RFTN2: variants seen among roughly 807,000 people sequenced by gnomAD.
RFTN2 encodes the protein raftlin-2.
Under a neutral mutation model 52.7 loss-of-function variants are expected in RFTN2, and 34 were observed. The observed-to-expected ratio is 0.64, with a 90% CI of 0.49 to 0.86. The LOEUF is 0.86. Ranked by LOEUF, RFTN2 falls within the 40% of genes least tolerant of loss-of-function variation. The probability of loss-of-function intolerance (pLI) is 0.00; values close to 1 mark genes in which losing one functional copy is unlikely to be tolerated. For missense variants in RFTN2, 536 were observed against 600.1 expected, an observed-to-expected ratio of 0.89 and a Z score of 1.12; for synonymous variants, 203 against 217.7, an observed-to-expected ratio of 0.93 and a Z score of 0.59.
intron 7 of RFTN2, among the ~76,000 whole-genome samples, chr2:197,605,937 T>C (rs980023909): frequency 3.3e-5 from 5 of 152,336 alleles, no homozygotes; most frequent in South Asian, 2.1e-4. Flanking sequence ...TCCTCCTTTA[T>C]TGATTCCTCT....
At chr2:197,649,184 A>C (rs2088792365) in intron 1 of RFTN2, among the ~76,000 whole-genome samples, 1 of 152,250 alleles carries the variant, frequency 6.6e-6, no homozygotes, top group Non-Finnish European at 1.5e-5. Context: ...GAGACAAAAC[A>C]GAGAAAAACA....
intron 7 of RFTN2, among the ~76,000 whole-genome samples, chr2:197,611,367 C>T (rs1429410080): frequency 6.6e-6 from 1 of 152,144 alleles, no homozygotes; most frequent in Non-Finnish European, 1.5e-5. Flanking sequence ...AGGAAGTCAT[C>T]CCTTTCTTCT....
Position 197,568,903 on chromosome 2 carries a change from A to C in RFTN2, c.*3105T>G, listed in dbSNP as rs1168616167. The C allele has an allele frequency of 6.6e-6, 1 of 152,198 alleles. No homozygotes were observed. Among genetic ancestry groups the C allele is most frequent in the Non-Finnish European group, 1.5e-5 (1 of 68,040 alleles). The allele number at this position is 152,198 out of a possible 1,614,324, so 9.4% of individuals were successfully genotyped here. On this transcript the variant is annotated 3_prime_UTR_variant, in exon 9 of 9. Transcript: ENST00000295049. Reference sequence around the variant, plus strand: ...AAATATATAAACACCTGCTCCTGATAACACAAATGATTTGGAGATAGTTGT... The same window carrying C: ...AAATATATAAACACCTGCTCCTGATCACACAAATGATTTGGAGATAGTTGT...
chr2:197,636,263 C>T lies in RFTN2; in HGVS notation c.439-2266G>A, dbSNP rs1269955200. ...ATATGAACTTTAAAGTAGTTTTTTC[C>T]AATTCTGTGAAGAAAGGCATTGGTA... On this transcript the variant is annotated intron_variant, in intron 3 of 8. Coordinates refer to ENST00000295049, the MANE Select transcript of RFTN2 (RefSeq NM_144629.3). Among the ~76,000 whole-genome samples the T allele has an allele frequency of 3.7e-4, 54 of 144,016 alleles. 1 individual carries two copies. The highest frequency in any genetic ancestry group is 1.4e-3 in the African/African-American group (52 of 38,398). 94.5% of individuals were successfully genotyped at this position (144,016 alleles called of 152,430 possible). A position where few individuals can be genotyped will look rare whatever the true frequency, so the allele number is the denominator to read the frequency against.
chr2:197,667,411 T>C (rs930040591), intron 1 of RFTN2, among the ~76,000 whole-genome samples: 5 of 152,258 alleles, frequency 3.3e-5, no homozygotes, highest in Non-Finnish European at 2.9e-5. Context: ...GAGTTAATAA[T>C]TTGAATTCTC....
chr2:197,571,515 T>C lies in RFTN2; in HGVS notation c.*493A>G, dbSNP rs2087316576. The C allele has an allele frequency of 6.4e-6, 1 of 157,378 alleles. No individual in the cohort carries two copies. The highest frequency in any genetic ancestry group is 2.4e-5 in the African/African-American group (1 of 41,476). 9.7% of individuals were successfully genotyped at this position (157,378 alleles called of 1,614,324 possible). On this transcript the variant is annotated 3_prime_UTR_variant, in exon 9 of 9. Coordinates refer to ENST00000295049, the MANE Select transcript of RFTN2 (RefSeq NM_144629.3). ...GCTATAGTTAAAGACAAAATGTGGATTAATTATTATATTTGGGAAATAGAT... is the reference window on the plus strand; with the variant it reads ...GCTATAGTTAAAGACAAAATGTGGACTAATTATTATATTTGGGAAATAGAT...
chr2:197,604,740 CTATTTATT>C (rs111347809), intron 7 of RFTN2, among the ~76,000 whole-genome samples: 3,648 of 150,436 alleles, frequency 0.024, 120 homozygotes, highest in African/African-American at 0.082. Context: ...TATGCACATT[CTATTTATT>C]TATTTATTTA....
At chr2:197,613,444 T>G (rs181781625) in intron 7 of RFTN2, among the ~76,000 whole-genome samples, 6 of 152,360 alleles carry the variant, frequency 3.9e-5, no homozygotes, top group African/African-American at 1.4e-4. Flanking sequence ...AAACAAGATC[T>G]GCTTAGCTCC....
intron 8 of RFTN2, among the ~76,000 whole-genome samples, chr2:197,574,137 C>G (rs1399651449): frequency 6.6e-6 from 1 of 152,224 alleles, no homozygotes; most frequent in African/African-American, 2.4e-5. Context: ...CACCGTCTTG[C>G]AGACCCCAGA....
intron 8 of RFTN2, 62 bp from the exon 9 acceptor site, chr2:197,572,342 G>T (rs1331412745): frequency 2.0e-5 from 30 of 1,515,902 alleles, no homozygotes; most frequent in Non-Finnish European, 2.7e-5. Context: ...TGTCCCTCTG[G>T]TCTAGCACAT....
At chr2:197,609,746 T>C (rs1383094783) in intron 7 of RFTN2, among the ~76,000 whole-genome samples, 1 of 152,210 alleles carries the variant, frequency 6.6e-6, no homozygotes, top group Non-Finnish European at 1.5e-5. Flanking sequence ...TTTTTATGGT[T>C]TTAGGTGTTA....
chr2:197,664,187 T>A (rs2089018714), intron 1 of RFTN2, among the ~76,000 whole-genome samples: 1 of 152,072 alleles, frequency 6.6e-6, no homozygotes, highest in South Asian at 2.1e-4. Context: ...TTAAAAAAAA[T>A]TGTGGCTGGG....
In RFTN2 at chr2:197,595,469, A is replaced by T. The variant is rs139875207; in HGVS notation, c.1233+522T>A. On this transcript the variant is annotated intron_variant, in intron 8 of 8. Transcript: ENST00000295049. ...ACCTGGGAGTTTATATACCATTTTA[A>T]CAAAGGGTGGTAAGTTGTGGACAGG... is the stretch of plus-strand genomic sequence containing the variant. 4.5e-3 allele frequency among the ~76,000 whole-genome samples: 688 copies of T among 152,348 alleles called. 2 individuals are homozygous for T. The highest frequency in any genetic ancestry group is 7.3e-3 in the Non-Finnish European group (496 of 68,018).
chr2:197,615,731 C>T (rs1441503969), intron 7 of RFTN2, 145 bp downstream of exon 7: 3 of 582,400 alleles, frequency 5.2e-6, no homozygotes, highest in South Asian at 3.9e-5. Flanking sequence ...TATTTACTAA[C>T]CTCTAAGGTC....
At chr2:197,641,337 G>T (rs1466166836) in intron 3 of RFTN2, among the ~76,000 whole-genome samples, 1 of 152,176 alleles carries the variant, frequency 6.6e-6, no homozygotes, top group Non-Finnish European at 1.5e-5. Flanking sequence ...TTGTTCCTAT[G>T]AATTAACATA....
At chr2:197,656,508 T>C (rs893861232) in intron 1 of RFTN2, among the ~76,000 whole-genome samples, 1 of 152,222 alleles carries the variant, frequency 6.6e-6, no homozygotes, top group African/African-American at 2.4e-5. Flanking sequence ...GCCCAGGGCC[T>C]GGTGCAAGTA....
chr2:197,581,222 C>A (rs2087503000), intron 8 of RFTN2, among the ~76,000 whole-genome samples: 1 of 152,226 alleles, frequency 6.6e-6, no homozygotes, highest in Non-Finnish European at 1.5e-5. Context: ...TGTCCCAAAA[C>A]CGGACAAGTC....
chr2:197,638,165 G>C lies in RFTN2; in HGVS notation c.439-4168C>G, dbSNP rs1437614073. On this transcript the variant is annotated intron_variant, in intron 3 of 8. Transcript: ENST00000295049. Reference sequence around the variant, plus strand: ...AGGAGAGCTTTACTTCCAACTATGTGGTCAATTTTGGAATAGGTGTGGTGT... The same window carrying C: ...AGGAGAGCTTTACTTCCAACTATGTCGTCAATTTTGGAATAGGTGTGGTGT... Among the ~76,000 whole-genome samples, 646 of 135,634 alleles carry C rather than the reference G, an allele frequency of 4.8e-3. 7 individuals are homozygous for C. Among genetic ancestry groups the C allele is most frequent in the African/African-American group, 0.016 (618 of 37,806 alleles). The allele number at this position is 135,634 out of a possible 152,430, so 89.0% of individuals were successfully genotyped here.
chr2:197,575,755 T>A (rs1027121602), intron 8 of RFTN2, among the ~76,000 whole-genome samples: 15 of 96,328 alleles, frequency 1.6e-4, no homozygotes, highest in African/African-American at 2.8e-4. Context: ...TAAAATATAT[T>A]TTTTATATAT....
Sources: allele counts gnomAD v4.1 joint callset (sites outside exome capture counted in the v4.1 genomes callset), GRCh38; gene constraint gnomAD v4.1.1; transcripts MANE v1.5; gene names NCBI Gene and HGNC (gene_info 2026-07-23, HGNC 2026-07-21).